SCN1B: variants seen among roughly 807,000 people sequenced by gnomAD.
SCN1B encodes the protein sodium channel regulatory subunit beta-1.
Under a neutral mutation model 25.7 loss-of-function variants are expected in SCN1B, and 11 were observed. The ratio of observed to expected loss-of-function variants is 0.43; its 90% CI spans 0.27 to 0.71. SCN1B has a LOEUF of 0.71. Among genes scored for constraint, SCN1B ranks in the 30% least tolerant of loss-of-function variants. The probability of loss-of-function intolerance (pLI) is 0.21; values close to 1 mark genes in which losing one functional copy is unlikely to be tolerated. For missense variants in SCN1B, 224 were observed against 291.5 expected, an observed-to-expected ratio of 0.77 and a Z score of 1.69; for synonymous variants, 119 against 117.5, an observed-to-expected ratio of 1.01 and a Z score of -0.08.
At chr19:35,039,300 C>G (rs749194747) in intron 4 of SCN1B, 42 bp downstream of exon 4, 51 of 1,606,162 alleles carry the variant, frequency 3.2e-5, no homozygotes, top group Non-Finnish European at 4.2e-5. Context: ...CCCAGGGCAC[C>G]GTCACACTTG....
rs1034016541 is a variant in SCN1B, at chr19:35,033,739, G to A, written c.448G>A (p.Ala150Thr). Residue 150 changes from alanine to threonine, a missense_variant and splice_region_variant, in exon 3 of 6, where the codon GCC becomes ACC. By Grantham distance (58) the Ala-to-Thr change is moderately conservative (BLOSUM62 0). Around this residue, in one of 3 missense-constraint regions of SCN1B, gnomAD observed 126 missense variants for 204.9 expected, o/e 0.61. Transcript: ENST00000262631. ...KKIHIEVVDK[A>T]NRDMASIVSE... ...GATCCACATTGAGGTAGTGGACAAA[G>A]GTGAGTCGGGTGCTGCCTGCCCCTT... is the stretch of plus-strand genomic sequence containing the variant. 2.5e-6 allele frequency: 4 copies of A among 1,614,012 alleles called. No homozygotes were observed. In the African/African-American group the frequency reaches 4.0e-5, roughly 16 times the overall value.
At chr19:35,034,203 T>A in intron 3 of SCN1B, 2 of 1,527,170 alleles carry the variant, frequency 1.3e-6, no homozygotes, top group South Asian at 2.5e-5. Context: ...GTTCTTACTG[T>A]TCGAGTAGCT....
In SCN1B at chr19:35,034,076, G is replaced by T. The variant is rs369032304; in HGVS notation, c.448+337G>T. The T allele has an allele frequency of 1.2e-5, 18 of 1,551,510 alleles. No individual in the cohort carries two copies. Among genetic ancestry groups the T allele is most frequent in the Non-Finnish European group, 1.1e-5 (13 of 1,146,896 alleles). On this transcript the variant is annotated intron_variant, in intron 3 of 5. Transcript: ENST00000262631. ...GGCTTGCCCGGGATAATAATCCGAT[G>T]TGTTTCTCGGGGTGTGGTTTGAGCC...
intron 2 of SCN1B, 99 bp from the exon 3 acceptor site, chr19:35,033,400 A>C: frequency 6.3e-7 from 1 of 1,589,332 alleles, no homozygotes. Flanking sequence ...TCTGTGTGCC[A>C]TCTGTGTTTG....
chr19:35,037,749 C>T (rs538140465), intron 3 of SCN1B: 2 of 146,306 alleles, frequency 1.4e-5, no homozygotes, highest in East Asian at 4.0e-4. Context: ...AATTCAAGAC[C>T]AGCCTGGGCA....
chr19:35,039,942 G>A lies in SCN1B; in HGVS notation c.*151G>A. 1.7e-6 allele frequency: 1 copy of A among 584,080 alleles called. No individual in the cohort carries two copies. Among genetic ancestry groups the A allele is most frequent in the Non-Finnish European group, 3.1e-6 (1 of 327,570 alleles). 36.2% of individuals were successfully genotyped at this position (584,080 alleles called of 1,614,324 possible). The stretch of plus-strand genomic sequence containing the variant: ...GCCACTGGGGTGGGAGGGGGCAGGG[G>A]GCTTGGCTCGCACCCCCACTTTCGC... On this transcript the variant is annotated 3_prime_UTR_variant, in exon 6 of 6. Coordinates refer to ENST00000262631, the MANE Select transcript of SCN1B (RefSeq NM_001037.5).
intron 3 of SCN1B, chr19:35,035,973 A>G (rs1427105050): frequency 6.6e-6 from 1 of 150,722 alleles, no homozygotes; most frequent in African/African-American, 2.4e-5. Flanking sequence ...AAATCCAGCG[A>G]TCCTTCTGCT....
chr19:35,033,660 C>T lies in SCN1B; in HGVS notation c.369C>T (p.Val123=). The part of the protein sequence containing the change: ...YNHSGDYECH[V]YRLLFFENYE... ...ACTCGGGCGACTACGAGTGCCACGT[C>T]TACCGCCTGCTCTTCTTCGAAAACT... The change falls in exon 3 of 6, where the codon GTC becomes GTT. Residue 123 remains valine (V), a synonymous_variant. Transcript: ENST00000262631. 6.2e-7 allele frequency: 1 copy of T among 1,614,220 alleles called. No individual in the cohort carries two copies. The highest frequency in any genetic ancestry group is 8.5e-7 in the Non-Finnish European group (1 of 1,180,054).
chr19:35,033,443 A>G (rs1600364198), intron 2 of SCN1B, 56 bp from the exon 3 acceptor site: 2 of 1,610,496 alleles, frequency 1.2e-6, no homozygotes, highest in East Asian at 4.5e-5. Flanking sequence ...AATCAGGGTC[A>G]GGTAAGGGAA....
At chr19:35,034,136 G>A in intron 3 of SCN1B, 1 of 1,551,232 alleles carries the variant, frequency 6.4e-7, no homozygotes, top group Non-Finnish European at 8.7e-7. Flanking sequence ...GGATTGAGCA[G>A]CTGCAGGCAC....
At chr19:35,030,885 G>T in intron 1 of SCN1B, 25 bp downstream of exon 1, 2 of 567,090 alleles carry the variant, frequency 3.5e-6, no homozygotes, top group Non-Finnish European at 2.4e-6. Context: ...GGCGCGCGCG[G>T]CCGGGGGGCA....
intron 2 of SCN1B, 124 bp from the exon 3 acceptor site, chr19:35,033,375 A>T (rs1396091847): frequency 6.4e-7 from 1 of 1,554,320 alleles, no homozygotes; most frequent in African/African-American, 1.4e-5. Flanking sequence ...CCTGAGGTCA[A>T]GGTGTCTGAG....
At chr19:35,033,099 A>T (rs968416144) in intron 2 of SCN1B, among the ~76,000 whole-genome samples, 1 of 152,180 alleles carries the variant, frequency 6.6e-6, no homozygotes, top group African/African-American at 2.4e-5. Context: ...TTTGCATTAT[A>T]TATCGGTGAG....
Position 35,038,810 on chromosome 19 carries a change from A to C in SCN1B, c.449-307A>C, listed in dbSNP as rs532218423. On this transcript the variant is annotated intron_variant, in intron 3 of 5. Transcript: ENST00000262631. ...CTAGAGACATTGAGTCACTTGCGCA[A>C]GGTCACACAGCTGGCCAGTGGCAGA... 4.4e-4 allele frequency: 197 copies of C among 450,576 alleles called. 4 individuals carry two copies. Among genetic ancestry groups the C allele is most frequent in the South Asian group, 3.9e-3 (189 of 48,844 alleles). The allele number at this position is 450,576 out of a possible 1,614,324, so 27.9% of individuals were successfully genotyped here. A position where few individuals can be genotyped will look rare whatever the true frequency, so the allele number is the denominator to read the frequency against.
chr19:35,030,857 C>T lies in SCN1B; in HGVS notation c.37C>T (p.Leu13=). The T allele has an allele frequency of 2.3e-6, 2 of 886,472 alleles. No individual in the cohort carries two copies. The highest frequency in any genetic ancestry group is 1.4e-6 in the Non-Finnish European group (1 of 707,484). 54.9% of individuals were successfully genotyped at this position (886,472 alleles called of 1,614,324 possible). The change falls in exon 1 of 6, where the codon CTG becomes TTG. Residue 13 remains leucine, a synonymous_variant. Coordinates refer to ENST00000262631, the MANE Select transcript of SCN1B (RefSeq NM_001037.5). ...GCTGGCCTTAGTGGTCGGCGCGGCA[C>T]TGGGTGAGTGCGCGGGGGGCGCGCG... The part of the protein sequence containing the change: ...RLLALVVGAA[L]VSSACGGCVE...
chr19:35,030,876 GC>G lies in SCN1B; in HGVS notation c.40+17del. The G allele has an allele frequency of 4.7e-6, 3 of 641,676 alleles. No individual in the cohort carries two copies. Among genetic ancestry groups the G allele is most frequent in the Non-Finnish European group, 6.1e-6 (3 of 489,706 alleles). 39.7% of individuals were successfully genotyped at this position (641,676 alleles called of 1,614,324 possible). On this transcript the variant is annotated intron_variant, in intron 1 of 5. Transcript: ENST00000262631. ...GCGGCACTGGGTGAGTGCGCGGGGG[GC>G]GCGCGCGGCCGGGGGGCACCGCGGG...
chr19:35,038,062 A>C (rs2064259190), intron 3 of SCN1B: 1 of 147,798 alleles, frequency 6.8e-6, no homozygotes, highest in East Asian at 2.0e-4. Flanking sequence ...CAGGGCAGGC[A>C]GGGGGGGCAT....
intron 3 of SCN1B, 58 bp downstream of exon 3, chr19:35,033,797 A>G: frequency 6.2e-7 from 1 of 1,612,842 alleles, no homozygotes; most frequent in Non-Finnish European, 8.5e-7. Context: ...AGATGGAGGG[A>G]CAGATGGCAG....
chr19:35,036,723 A>C (rs2064250064), intron 3 of SCN1B: 1 of 141,554 alleles, frequency 7.1e-6, no homozygotes, highest in Non-Finnish European at 1.5e-5. Flanking sequence ...GTAAGTTACC[A>C]TGCCCAGCCT....
Sources: allele counts gnomAD v4.1 joint callset (sites outside exome capture counted in the v4.1 genomes callset), GRCh38; gene constraint gnomAD v4.1.1; regional missense constraint gnomAD v4.1.1; transcripts MANE v1.5; gene names NCBI Gene and HGNC (gene_info 2026-07-23, HGNC 2026-07-21).